CA10: variants seen among roughly 807,000 people sequenced by gnomAD.
CA10 encodes carbonic anhydrase 10 (inactive).
A neutral mutation model predicts 44.2 loss-of-function variants in CA10; 14 were observed. The observed-to-expected ratio is 0.32, with a 90% confidence interval of 0.21 to 0.50. The LOEUF (loss-of-function observed/expected upper bound fraction) is 0.50, where lower values mean the gene tolerates loss of function less well. Among genes scored for constraint, CA10 ranks in the 20% least tolerant of loss-of-function variants. The pLI, the probability that CA10 is intolerant of heterozygous loss-of-function variation, is 0.99. For missense variants in CA10, 350 were observed against 409.7 expected, an observed-to-expected ratio of 0.85 and a Z score of 1.26; for synonymous variants, 159 against 141.6, an observed-to-expected ratio of 1.12 and a Z score of -0.87.
At chr17:51,803,547 C>G (rs1390279337) in intron 3 of CA10, among the ~76,000 whole-genome samples, 1 of 152,054 alleles carries the variant, frequency 6.6e-6, no homozygotes, top group East Asian at 1.9e-4. Context: ...TTATTTCTAC[C>G]TTTTTTGGGT....
intron 1 of CA10, among the ~76,000 whole-genome samples, chr17:52,151,901 G>A (rs1186940225): frequency 6.6e-6 from 1 of 152,034 alleles, no homozygotes; most frequent in Non-Finnish European, 1.5e-5. Flanking sequence ...CTGCCTATCT[G>A]GGCTCCAAAA....
At chr17:51,650,226 T>C (rs75613774) in intron 5 of CA10, among the ~76,000 whole-genome samples, 2 of 152,152 alleles carry the variant, frequency 1.3e-5, no homozygotes. Flanking sequence ...AAAACACCTG[T>C]TTACTCAGCC....
At chr17:52,009,098 C>T (rs1216967166) in intron 2 of CA10, among the ~76,000 whole-genome samples, 1 of 151,918 alleles carries the variant, frequency 6.6e-6, no homozygotes, top group Non-Finnish European at 1.5e-5. Flanking sequence ...AAAGACACTA[C>T]AAGTCTAAAT....
Position 51,768,274 on chromosome 17 carries a change from T to C in CA10, c.280-20456A>G, listed in dbSNP as rs545188331. ...TTTTGGCCTGGGATCTTGGCCTGCT[T>C]GTACAATAGCTGCAAAGGTTTGGGA... On this transcript the variant is annotated intron_variant, in intron 3 of 8. Coordinates refer to ENST00000451037, the MANE Select transcript of CA10 (RefSeq NM_020178.5). Among the ~76,000 whole-genome samples, 5 of 152,002 alleles carry C rather than the reference T, an allele frequency of 3.3e-5. No individual in the cohort carries two copies. The South Asian group carries it at 6.2e-4, about 19-fold the overall frequency.
At chr17:51,889,680 T>C (rs543555963) in intron 3 of CA10, among the ~76,000 whole-genome samples, 1 of 152,180 alleles carries the variant, frequency 6.6e-6, no homozygotes, top group Non-Finnish European at 1.5e-5. Flanking sequence ...CTTGCCTACA[T>C]TATAATTAAA....
At chr17:51,699,645 G>A (rs1435448102) in intron 4 of CA10, among the ~76,000 whole-genome samples, 1 of 152,198 alleles carries the variant, frequency 6.6e-6, no homozygotes, top group Non-Finnish European at 1.5e-5. Flanking sequence ...TTGGTAGACT[G>A]CTGTTCCCTT....
At chr17:51,667,303 G>C (rs956275698) in intron 4 of CA10, among the ~76,000 whole-genome samples, 1 of 152,186 alleles carries the variant, frequency 6.6e-6, no homozygotes, top group Non-Finnish European at 1.5e-5. Flanking sequence ...ATGGACAGTG[G>C]GGTCTGAGCA....
chr17:52,035,197 T>C (rs1986580669), intron 2 of CA10, among the ~76,000 whole-genome samples: 1 of 152,170 alleles, frequency 6.6e-6, no homozygotes, highest in Non-Finnish European at 1.5e-5. Context: ...CCTCATCCTG[T>C]GCCTATAAAG....
intron 2 of CA10, among the ~76,000 whole-genome samples, chr17:52,013,974 T>C (rs1012339789): frequency 1.3e-5 from 2 of 151,804 alleles, no homozygotes; most frequent in African/African-American, 4.8e-5. Flanking sequence ...TGAATATAAA[T>C]AGAACTCTAG....
At chr17:51,950,294 T>G (rs1983432438) in intron 2 of CA10, among the ~76,000 whole-genome samples, 1 of 152,118 alleles carries the variant, frequency 6.6e-6, no homozygotes, top group Non-Finnish European at 1.5e-5. Context: ...TTGTGCTGGG[T>G]TCCTCTGTTT....
At chr17:51,823,456 C>T (rs1380522705) in intron 3 of CA10, among the ~76,000 whole-genome samples, 1 of 152,240 alleles carries the variant, frequency 6.6e-6, no homozygotes, top group Non-Finnish European at 1.5e-5. Flanking sequence ...TGCCAAGGGG[C>T]TGCTTTCCAG....
chr17:51,753,866 C>T (rs917825650), intron 3 of CA10, among the ~76,000 whole-genome samples: 6 of 152,026 alleles, frequency 3.9e-5, no homozygotes, highest in South Asian at 2.1e-4. Flanking sequence ...TTTTTTGATA[C>T]GGAGTCTCAC....
chr17:52,097,294 T>C (rs898305410), intron 1 of CA10, among the ~76,000 whole-genome samples: 2 of 152,226 alleles, frequency 1.3e-5, no homozygotes, highest in South Asian at 2.1e-4. Context: ...GGTATGCTAC[T>C]GCAATTTTAA....
Position 52,015,982 on chromosome 17 carries a change from A to T in CA10, c.136+56337T>A, listed in dbSNP as rs116134179. Among the ~76,000 whole-genome samples the T allele has an allele frequency of 2.5e-3, 379 of 152,216 alleles. 2 individuals carry two copies. In the Middle Eastern group the frequency reaches 0.041, roughly 16 times the overall value. Reference sequence around the variant, plus strand: ...AGTTTCCAGGTGAGTGGAAGTAGACATCAGAGTTCCAGGTGAGTAGAGGTA... The same window carrying T: ...AGTTTCCAGGTGAGTGGAAGTAGACTTCAGAGTTCCAGGTGAGTAGAGGTA... On this transcript the variant is annotated intron_variant, in intron 2 of 8. Transcript: ENST00000451037.
At chr17:51,710,273 G>A (rs1415599339) in intron 4 of CA10, among the ~76,000 whole-genome samples, 2 of 152,184 alleles carry the variant, frequency 1.3e-5, no homozygotes, top group Admixed American at 1.3e-4. Flanking sequence ...AAGTCAGCTT[G>A]CCAGAAAATC....
intron 3 of CA10, among the ~76,000 whole-genome samples, chr17:51,751,413 A>T (rs1421927075): frequency 6.6e-6 from 1 of 152,244 alleles, no homozygotes; most frequent in Non-Finnish European, 1.5e-5. Context: ...AATGGTTAAG[A>T]TGGTAAATTG....
chr17:51,725,032 A>G (rs1916470550), intron 4 of CA10, among the ~76,000 whole-genome samples: 1 of 152,220 alleles, frequency 6.6e-6, no homozygotes, highest in Non-Finnish European at 1.5e-5. Flanking sequence ...GCAAAAAAGG[A>G]ATTATATCCA....
chr17:51,791,775 C>G (rs560025771), intron 3 of CA10, among the ~76,000 whole-genome samples: 2 of 152,260 alleles, frequency 1.3e-5, no homozygotes, highest in East Asian at 3.9e-4. Flanking sequence ...CTATTTTTCC[C>G]ACTTACTATT....
At chr17:51,670,520 A>G (rs560954009) in intron 4 of CA10, among the ~76,000 whole-genome samples, 1 of 151,388 alleles carries the variant, frequency 6.6e-6, no homozygotes, top group East Asian at 2.0e-4. Context: ...TCTCTGGGAC[A>G]CCAACTCATG....
Sources: gnomAD v4.1 joint callset for allele counts (sites outside exome capture counted in the v4.1 genomes callset) on GRCh38, gnomAD v4.1.1 for gene constraint, MANE v1.5 for transcripts, NCBI Gene and HGNC (gene_info 2026-07-23, HGNC 2026-07-21) for gene names.